The following RSPH14 variants were observed in gnomAD, a reference collection of about 807,000 sequenced individuals.
RSPH14 encodes the protein rhabdoid tumor deletion region gene 1.
Under a neutral mutation model 26.7 loss-of-function variants are expected in RSPH14, and 20 were observed. The observed-to-expected ratio is 0.75, with a 90% CI of 0.53 to 1.09. The LOEUF is 1.09. Among genes scored for constraint, RSPH14 ranks in the 50% least tolerant of loss-of-function variants. The probability of loss-of-function intolerance (pLI) is 0.00; values close to 1 mark genes in which losing one functional copy is unlikely to be tolerated. For missense variants in RSPH14, 449 were observed against 457.2 expected, an observed-to-expected ratio of 0.98 and a Z score of 0.16; for synonymous variants, 177 against 189.3, an observed-to-expected ratio of 0.93 and a Z score of 0.53.
chr22:23,060,918 G>C (rs2068081427), intron 6 of RSPH14, among the ~76,000 whole-genome samples: 1 of 152,170 alleles, frequency 6.6e-6, no homozygotes, highest in Admixed American at 6.5e-5. Context: ...CACTCCTACA[G>C]AAAGCCTGGA....
rs755710400 is a variant in RSPH14, at chr22:23,096,391, C to T, written c.422-32258G>A. 6 of 1,610,806 alleles carry T rather than the reference C, an allele frequency of 3.7e-6. No individual in the cohort carries two copies. In the East Asian group the frequency reaches 1.3e-4, roughly 36 times the overall value. On this transcript the variant is annotated intron_variant, in intron 4 of 6. Transcript: ENST00000216036. ...TCTGTGTGGAGCTCAGCGGCTACGA[C>T]CTGAAACTCTACGAGGATAACCAGA...
intron 4 of RSPH14, among the ~76,000 whole-genome samples, chr22:23,081,290 A>G (rs976027734): frequency 8.5e-5 from 13 of 152,252 alleles, no homozygotes; most frequent in Admixed American, 1.3e-4. Context: ...AAGAAGTGGC[A>G]TAACCCCAGA....
chr22:23,074,632 C>T (rs1396322465), intron 4 of RSPH14, among the ~76,000 whole-genome samples: 2 of 152,086 alleles, frequency 1.3e-5, no homozygotes, highest in African/African-American at 2.4e-5. Flanking sequence ...TAGGTAGGAT[C>T]AGAAGAGGCT....
chr22:23,109,226 A>G (rs1162478544), intron 4 of RSPH14, among the ~76,000 whole-genome samples: 1 of 152,182 alleles, frequency 6.6e-6, no homozygotes, highest in Non-Finnish European at 1.5e-5. Flanking sequence ...GAGTTCAAGG[A>G]GAACCAAGGC....
At chr22:23,106,090 C>A (rs1394012217) in intron 4 of RSPH14, among the ~76,000 whole-genome samples, 1 of 152,174 alleles carries the variant, frequency 6.6e-6, no homozygotes, top group Non-Finnish European at 1.5e-5. Context: ...GTTAAGGCAC[C>A]ACCTCCAGTC....
chr22:23,132,261 C>T (rs1179062629), intron 4 of RSPH14, among the ~76,000 whole-genome samples: 1 of 152,210 alleles, frequency 6.6e-6, no homozygotes, highest in Admixed American at 6.5e-5. Context: ...ATCTGTTTGT[C>T]CACCTTGAGC....
intron 4 of RSPH14, among the ~76,000 whole-genome samples, chr22:23,100,459 CG>C (rs1294581162): frequency 3.9e-5 from 6 of 152,172 alleles, no homozygotes; most frequent in Non-Finnish European, 7.4e-5. Context: ...ATCCAGGGGA[CG>C]GGGGACATAA....
the RSPH14 span, chr22:23,161,831 A>C: frequency 2.1e-6 from 1 of 469,604 alleles, no homozygotes; most frequent in Non-Finnish European, 3.9e-6. Context: ...GATCCCATAA[A>C]AGGCCAGTCC....
chr22:23,092,059 G>A (rs1315642453), intron 4 of RSPH14, among the ~76,000 whole-genome samples: 1 of 152,174 alleles, frequency 6.6e-6, no homozygotes, highest in African/African-American at 2.4e-5. Context: ...ACTGTGGTGG[G>A]GGGTCCTGGG....
chr22:23,075,812 A>T (rs2068493215), intron 4 of RSPH14, among the ~76,000 whole-genome samples: 1 of 152,146 alleles, frequency 6.6e-6, no homozygotes, highest in Admixed American at 6.5e-5. Flanking sequence ...GGCCCCTGGG[A>T]TGGAGAGCTG....
At chr22:23,070,881 G>T (rs940670091) in intron 4 of RSPH14, 1 of 152,204 alleles carries the variant, frequency 6.6e-6, no homozygotes, top group African/African-American at 2.4e-5. Flanking sequence ...GGGATGCCGC[G>T]CGGGGCCGCC....
chr22:23,088,372 C>T (rs1252219130), intron 4 of RSPH14, among the ~76,000 whole-genome samples: 1 of 152,190 alleles, frequency 6.6e-6, no homozygotes, highest in East Asian at 1.9e-4. Flanking sequence ...TGGTCACAGG[C>T]ATCAGTGAGC....
the RSPH14 span, chr22:23,156,120 C>G: frequency 1.0e-6 from 1 of 963,640 alleles, no homozygotes; most frequent in African/African-American, 1.7e-5. Context: ...GTTCTCTGCA[C>G]AGGCACCAGT....
chr22:23,075,950 T>G (rs2068496550), intron 4 of RSPH14, among the ~76,000 whole-genome samples: 1 of 152,120 alleles, frequency 6.6e-6, no homozygotes, highest in Admixed American at 6.5e-5. Flanking sequence ...GAGGCCAAGG[T>G]CCTCTGAGGT....
chr22:23,096,182 A>G lies in RSPH14; in HGVS notation c.422-32049T>C, dbSNP rs918141111. ...CTACTACCTGAACGACCTGGAGCGC[A>G]TCGCCGCAGCTGACTATATCCCCAC... On this transcript the variant is annotated intron_variant, in intron 4 of 6. Coordinates refer to ENST00000216036, the MANE Select transcript of RSPH14 (RefSeq NM_014433.3). 3.1e-6 allele frequency: 5 copies of G among 1,613,216 alleles called. No individual in the cohort carries two copies. The African/African-American group carries it at 4.0e-5, about 13-fold the overall frequency.
intron 4 of RSPH14, among the ~76,000 whole-genome samples, chr22:23,095,034 A>G (rs934395997): frequency 3.3e-5 from 5 of 152,242 alleles, no homozygotes; most frequent in African/African-American, 1.2e-4. Context: ...ACCTGGCTTC[A>G]GGTGGACTGT....
At chr22:23,117,547 C>T (rs944347749) in intron 4 of RSPH14, among the ~76,000 whole-genome samples, 8 of 152,214 alleles carry the variant, frequency 5.3e-5, no homozygotes, top group Non-Finnish European at 8.8e-5. Flanking sequence ...GCAGGTCTTC[C>T]GATGAGACCT....
intron 4 of RSPH14, among the ~76,000 whole-genome samples, chr22:23,092,846 T>A (rs1346673658): frequency 6.6e-6 from 1 of 152,158 alleles, no homozygotes; most frequent in African/African-American, 2.4e-5. Flanking sequence ...GTACCTCAGA[T>A]TTTCAAACGT....
intron 4 of RSPH14, among the ~76,000 whole-genome samples, chr22:23,100,142 A>G (rs982416216): frequency 6.6e-6 from 1 of 152,100 alleles, no homozygotes; most frequent in Non-Finnish European, 1.5e-5. Context: ...GGCTGGGGCC[A>G]AGTATGAGGG....
Sources: gnomAD v4.1 joint callset for allele counts (sites outside exome capture counted in the v4.1 genomes callset) on GRCh38, gnomAD v4.1.1 for gene constraint, MANE v1.5 for transcripts, NCBI Gene and HGNC (gene_info 2026-07-23, HGNC 2026-07-21) for gene names.